SPMIP2: variants seen among roughly 807,000 people sequenced by gnomAD.
SPMIP2 encodes the protein sperm microtubule inner protein 2.
At chr4:158,916,275 T>C in the SPMIP2 span, among the ~76,000 whole-genome samples, 1 of 152,118 alleles carries the variant, frequency 6.6e-6, no homozygotes, top group Non-Finnish European at 1.5e-5. Context: ...AACTGAAATA[T>C]TTGGGAAGTA....
the SPMIP2 span, among the ~76,000 whole-genome samples, chr4:158,913,846 TAAAA>T: frequency 1.5e-5 from 2 of 134,432 alleles, no homozygotes; most frequent in Admixed American, 7.5e-5. Flanking sequence ...CCCCATATCT[TAAAA>T]AAAAAAAAAA....
At chr4:159,025,182 C>T in the SPMIP2 span, among the ~76,000 whole-genome samples, 2 of 152,092 alleles carry the variant, frequency 1.3e-5, no homozygotes, top group Non-Finnish European at 1.5e-5. Flanking sequence ...GACTCTCAAG[C>T]CCACCCCAGT....
At chr4:159,069,393 G>A in the SPMIP2 span, among the ~76,000 whole-genome samples, 3 of 152,058 alleles carry the variant, frequency 2.0e-5, no homozygotes, top group East Asian at 5.8e-4. Context: ...AATGCTAGAA[G>A]TCTTTAGGAA....
the SPMIP2 span, among the ~76,000 whole-genome samples, chr4:159,022,427 G>C: frequency 1.3e-5 from 2 of 152,114 alleles, no homozygotes; most frequent in East Asian, 3.8e-4. Context: ...ACTAAAATTA[G>C]ATCGTAAAGA....
the SPMIP2 span, among the ~76,000 whole-genome samples, chr4:158,902,472 A>C: frequency 6.6e-6 from 1 of 152,200 alleles, no homozygotes; most frequent in East Asian, 1.9e-4. Flanking sequence ...TCAGGGATCC[A>C]CTTGAGGAGG....
the SPMIP2 span, among the ~76,000 whole-genome samples, chr4:159,035,930 TATCGACCTCCCC>T: frequency 1.3e-5 from 2 of 152,218 alleles, no homozygotes; most frequent in African/African-American, 4.8e-5. Flanking sequence ...TTGTCTATTT[TATCGACCTCCCC>T]ACTAGAATCT....
the SPMIP2 span, among the ~76,000 whole-genome samples, chr4:158,977,771 C>T: frequency 1.8e-3 from 281 of 152,060 alleles, 4 homozygotes; most frequent in Non-Finnish European, 3.2e-3. Flanking sequence ...CCCGCCACCA[C>T]GCCCAGCTAA....
chr4:159,044,615 T>A, the SPMIP2 span, among the ~76,000 whole-genome samples: 1 of 151,088 alleles, frequency 6.6e-6, no homozygotes, highest in Admixed American at 6.6e-5. Flanking sequence ...GTGGGAAAAA[T>A]GGGGGTAGGT....
the SPMIP2 span, among the ~76,000 whole-genome samples, chr4:158,919,208 A>G: frequency 6.6e-6 from 1 of 152,248 alleles, no homozygotes; most frequent in Non-Finnish European, 1.5e-5. Flanking sequence ...CGTCAAAAGC[A>G]GAGAAAATGG....
the SPMIP2 span, among the ~76,000 whole-genome samples, chr4:158,931,912 T>C: frequency 6.6e-6 from 1 of 152,122 alleles, no homozygotes; most frequent in Non-Finnish European, 1.5e-5. Flanking sequence ...TACCCTCTGC[T>C]TGATAAAACA....
At chr4:159,072,412 A>G in the SPMIP2 span, among the ~76,000 whole-genome samples, 1 of 145,774 alleles carries the variant, frequency 6.9e-6, no homozygotes, top group Non-Finnish European at 1.5e-5. Context: ...CTTTTCTGTT[A>G]TAGTGTTTTA....
At chr4:159,030,918 G>GT in the SPMIP2 span, among the ~76,000 whole-genome samples, 14 of 151,812 alleles carry the variant, frequency 9.2e-5, no homozygotes, top group East Asian at 1.7e-3. Context: ...CCTCTACATG[G>GT]TTTTTTTTAC....
chr4:158,954,210 TGG>T, the SPMIP2 span, among the ~76,000 whole-genome samples: 2 of 152,222 alleles, frequency 1.3e-5, no homozygotes, highest in Non-Finnish European at 2.9e-5. Flanking sequence ...TGGGGCCTGG[TGG>T]GAGATCATTT....
chr4:159,066,016 C>T, the SPMIP2 span, among the ~76,000 whole-genome samples: 1 of 152,128 alleles, frequency 6.6e-6, no homozygotes, highest in East Asian at 1.9e-4. Context: ...TCTTTACTTC[C>T]CTCATTGTTC....
chr4:158,928,180 A>T, the SPMIP2 span, among the ~76,000 whole-genome samples: 1 of 152,142 alleles, frequency 6.6e-6, no homozygotes, highest in African/African-American at 2.4e-5. Flanking sequence ...TCTGGTGGGG[A>T]TGTGGAGAAC....
chr4:159,007,074 G>A, the SPMIP2 span: 35 of 539,836 alleles, frequency 6.5e-5, no homozygotes, highest in Non-Finnish European at 1.2e-4. Flanking sequence ...ATATATTGAA[G>A]CATACGGTAA....
chr4:158,960,258 T>C, the SPMIP2 span: 386 of 1,329,378 alleles, frequency 2.9e-4, no homozygotes, highest in Non-Finnish European at 6.3e-5. Flanking sequence ...ACACAGTAAT[T>C]AATAAAAATA....
the SPMIP2 span, among the ~76,000 whole-genome samples, chr4:159,077,870 A>C: frequency 6.6e-6 from 1 of 152,254 alleles, no homozygotes; most frequent in Admixed American, 6.5e-5. Context: ...TGTCAAATAA[A>C]GTACTGAAAC....
At chr4:159,026,875 A>C in the SPMIP2 span, among the ~76,000 whole-genome samples, 1 of 149,822 alleles carries the variant, frequency 6.7e-6, no homozygotes, top group African/African-American at 2.4e-5. Context: ...ATATATTTAT[A>C]TTTATATATT....
Sources: allele counts gnomAD v4.1 joint callset (sites outside exome capture counted in the v4.1 genomes callset), GRCh38; gene constraint gnomAD v4.1.1; transcripts MANE v1.5; gene names NCBI Gene and HGNC (gene_info 2026-07-23, HGNC 2026-07-21).